The following CES5A variants were observed in gnomAD, a reference collection of about 807,000 sequenced individuals.
CES5A encodes the protein carboxylesterase 5A.
Under a neutral mutation model 62.9 loss-of-function variants are expected in CES5A, and 67 were observed. The observed-to-expected ratio is 1.07, with a 90% confidence interval of 0.88 to 1.31. CES5A has a LOEUF of 1.31. CES5A is among the 50% of genes most tolerant of loss of function. CES5A has a pLI of 0.00. For missense variants in CES5A, 748 were observed against 708.5 expected (o/e 1.06, Z -0.63); for synonymous variants, 296 against 280.8 (o/e 1.05, Z -0.54).
At chr16:55,856,740 C>G (rs151269174) in intron 8 of CES5A, among the ~76,000 whole-genome samples, 1 of 152,238 alleles carries the variant, frequency 6.6e-6, no homozygotes, top group Non-Finnish European at 1.5e-5. Flanking sequence ...AAAATTTACA[C>G]GTTGAAGCCT....
intron 1 of CES5A, among the ~76,000 whole-genome samples, chr16:55,910,198 C>T (rs2034080103): frequency 6.6e-6 from 1 of 152,196 alleles, no homozygotes; most frequent in South Asian, 2.1e-4. Context: ...AAGAGGAATC[C>T]TGCAGCCCAC....
chr16:55,869,124 A>G (rs1384876130), intron 4 of CES5A, among the ~76,000 whole-genome samples: 6 of 152,228 alleles, frequency 3.9e-5, no homozygotes, highest in African/African-American at 1.4e-4. Flanking sequence ...TCCAGGGCAC[A>G]CAGTGGGGCT....
intron 1 of CES5A, among the ~76,000 whole-genome samples, chr16:55,954,035 C>T (rs1300848840): frequency 2.6e-5 from 4 of 152,144 alleles, no homozygotes; most frequent in Non-Finnish European, 5.9e-5. Flanking sequence ...CCACTTTTCC[C>T]CTGCTCCCCG....
intron 7 of CES5A, among the ~76,000 whole-genome samples, chr16:55,860,157 T>C (rs1192045446): frequency 1.3e-5 from 2 of 152,070 alleles, no homozygotes; most frequent in Non-Finnish European, 2.9e-5. Context: ...GAACAAGCTT[T>C]TTTTTTGCCC....
intron 1 of CES5A, among the ~76,000 whole-genome samples, chr16:55,901,813 G>T (rs570143541): frequency 6.6e-6 from 1 of 152,220 alleles, no homozygotes; most frequent in African/African-American, 2.4e-5. Flanking sequence ...TGACCCCACT[G>T]GTGTTGTTCC....
chr16:55,930,031 C>T (rs972959173), upstream of CES5A, among the ~76,000 whole-genome samples: 1 of 152,086 alleles, frequency 6.6e-6, no homozygotes, highest in African/African-American at 2.4e-5. Flanking sequence ...TCTAGGTCTT[C>T]GTGGTTGATT....
At chr16:55,900,202 C>A (rs2033976578) in intron 1 of CES5A, among the ~76,000 whole-genome samples, 1 of 152,208 alleles carries the variant, frequency 6.6e-6, no homozygotes, top group African/African-American at 2.4e-5. Context: ...TGCTGTCATG[C>A]CCTGCCCCAG....
At chr16:55,879,470 A>G (rs1357043207), upstream of CES5A, among the ~76,000 whole-genome samples, 1 of 148,026 alleles carries the variant, frequency 6.8e-6, no homozygotes, top group Non-Finnish European at 1.5e-5. Context: ...ACTGCACCCT[A>G]TCACTGCATC....
chr16:55,948,945 G>A lies in CES5A; in HGVS notation c.160+840C>T, dbSNP rs569099753. On this transcript the variant is annotated intron_variant, in intron 2 of 13. Transcript: ENST00000521992. Reference sequence around the variant, plus strand: ...AGTTGGGGACAGTTGCAGAAGGAGCGGATTTGGGTGGGCAAATCAAAATAC... The same window carrying A: ...AGTTGGGGACAGTTGCAGAAGGAGCAGATTTGGGTGGGCAAATCAAAATAC... Among the ~76,000 whole-genome samples, 5 of 152,246 alleles carry A rather than the reference G, an allele frequency of 3.3e-5. No individual in the cohort carries two copies. The South Asian group carries it at 8.3e-4, about 25-fold the overall frequency.
exon 1 of CES5A, chr16:55,956,021 C>T (rs1402525852): frequency 5.4e-6 from 5 of 924,684 alleles, no homozygotes; most frequent in Admixed American, 2.4e-5. Context: ...TTTCCTCTAC[C>T]GTTGCCAGCT....
At chr16:55,914,155 G>A (rs1790493805) in intron 1 of CES5A, among the ~76,000 whole-genome samples, 1 of 152,086 alleles carries the variant, frequency 6.6e-6, no homozygotes. Context: ...CTTTTACAGG[G>A]CCTCCTATAT....
chr16:55,920,607 T>C (rs1243696046), intron 1 of CES5A, among the ~76,000 whole-genome samples: 1 of 152,128 alleles, frequency 6.6e-6, no homozygotes, highest in East Asian at 1.9e-4. Context: ...AATGAGTCAA[T>C]TACCTAGTGG....
At chr16:55,952,566 A>G (rs570163088) in intron 1 of CES5A, among the ~76,000 whole-genome samples, 1 of 152,252 alleles carries the variant, frequency 6.6e-6, no homozygotes, top group East Asian at 1.9e-4. Flanking sequence ...CACAAAAATA[A>G]CAACATTAAG....
chr16:55,911,731 G>C (rs1169446935), intron 1 of CES5A, among the ~76,000 whole-genome samples: 3 of 152,102 alleles, frequency 2.0e-5, no homozygotes, highest in African/African-American at 7.2e-5. Context: ...AGAAAGGTGG[G>C]GCCAGGAAAG....
chr16:55,879,953 A>C (rs1179822544), upstream of CES5A, among the ~76,000 whole-genome samples: 1 of 152,240 alleles, frequency 6.6e-6, no homozygotes, highest in African/African-American at 2.4e-5. Flanking sequence ...AGATTCCATG[A>C]AAAACCACTT....
upstream of CES5A, among the ~76,000 whole-genome samples, chr16:55,926,367 C>T (rs2034257814): frequency 6.6e-6 from 1 of 152,082 alleles, no homozygotes; most frequent in African/African-American, 2.4e-5. Context: ...TAAAAGATAA[C>T]AAGAATATAA....
chr16:55,883,959 G>T (rs1006843331), intron 1 of CES5A, among the ~76,000 whole-genome samples: 2 of 152,156 alleles, frequency 1.3e-5, no homozygotes, highest in Non-Finnish European at 2.9e-5. Context: ...TAACAGGGGG[G>T]TCATGGTGAC....
chr16:55,910,059 C>T (rs2034078589), intron 1 of CES5A, among the ~76,000 whole-genome samples: 1 of 152,144 alleles, frequency 6.6e-6, no homozygotes, highest in Non-Finnish European at 1.5e-5. Flanking sequence ...GCCCGACATG[C>T]CATTTGGACA....
chr16:55,857,591 T>C (rs1279239200), intron 8 of CES5A, among the ~76,000 whole-genome samples: 7 of 152,174 alleles, frequency 4.6e-5, no homozygotes, highest in Non-Finnish European at 2.9e-5. Context: ...ACCTTATCTG[T>C]ACATTAAGGA....
Sources: allele counts gnomAD v4.1 joint callset (sites outside exome capture counted in the v4.1 genomes callset), GRCh38; gene constraint gnomAD v4.1.1; transcripts MANE v1.5; gene names NCBI Gene and HGNC (gene_info 2026-07-23, HGNC 2026-07-21).